Variants in FRMD4A observed in about 807,000 individuals in gnomAD.
FRMD4A encodes FERM domain-containing protein 4A.
FRMD4A carries 29 observed loss-of-function variants against 129.1 expected under a neutral mutation model. That is an observed-to-expected ratio of 0.22 (90% CI 0.17 to 0.31). FRMD4A has a LOEUF of 0.31. Ranked by LOEUF, FRMD4A falls within the 10% of genes least tolerant of loss-of-function variation. FRMD4A has a pLI of 1.00. For missense variants in FRMD4A, 1,272 were observed against 1,375.8 expected (o/e 0.92, Z 1.19); for synonymous variants, 634 against 571.6 (o/e 1.11, Z -1.56).
chr10:13,747,750 A>G lies in FRMD4A; in HGVS notation c.534T>C (p.Pro178=). The G allele has an allele frequency of 1.3e-6, 2 of 1,583,904 alleles. No individual in the cohort carries two copies. Among genetic ancestry groups the G allele is most frequent in the Non-Finnish European group, 1.7e-6 (2 of 1,152,748 alleles). Reference sequence around the variant, plus strand: ...AGGGGTCTTACCAGTAGGCCAGGGAAGGGTGCTCCTTCAGGGCTTGGGTGG... The same window carrying G: ...AGGGGTCTTACCAGTAGGCCAGGGAGGGGTGCTCCTTCAGGGCTTGGGTGG... The part of the protein sequence containing the change: ...ALPTQALKEH[P]SLAYCEDRVI... The change falls in exon 9 of 25, where the codon CCT becomes CCC. Residue 178 remains proline (P), a synonymous_variant. Transcript: ENST00000357447.
At chr10:14,225,573 A>T (rs11258951) in intron 2 of FRMD4A, among the ~76,000 whole-genome samples, 8,924 of 152,302 alleles carry the variant, frequency 0.059, 350 homozygotes, top group South Asian at 0.17. Context: ...CAGCCAGCTG[A>T]CAGCTGATGG....
chr10:14,126,397 T>C (rs1369341786), intron 2 of FRMD4A, among the ~76,000 whole-genome samples: 15 of 152,128 alleles, frequency 9.9e-5, no homozygotes, highest in Admixed American at 8.5e-4. Flanking sequence ...TCTTGATCTC[T>C]TGACCTTGTG....
intron 12 of FRMD4A, chr10:13,707,979 GAA>G (rs2087640317): frequency 1.4e-6 from 1 of 715,854 alleles, no homozygotes; most frequent in Non-Finnish European, 1.7e-6. Context: ...GGATGAAAAA[GAA>G]AGTTACTTTA....
In FRMD4A at chr10:13,931,854, C is replaced by A. The variant is rs1352670451; in HGVS notation, c.46-72942G>T. ...ATCCCAGGTACTTGGGAGGCTGAGGCAGGAGAATCGCTTGAACCCGGGAGG... is the reference window on the plus strand; with the variant it reads ...ATCCCAGGTACTTGGGAGGCTGAGGAAGGAGAATCGCTTGAACCCGGGAGG... On this transcript the variant is annotated intron_variant, in intron 2 of 24. Coordinates refer to ENST00000357447, the MANE Select transcript of FRMD4A (RefSeq NM_018027.5). Among the ~76,000 whole-genome samples, 3 of 151,144 alleles carry A rather than the reference C, an allele frequency of 2.0e-5. No individual in the cohort carries two copies. In the East Asian group the frequency reaches 5.8e-4, roughly 29 times the overall value.
intron 2 of FRMD4A, chr10:14,083,083 C>A (rs1836024209): frequency 6.6e-6 from 1 of 152,214 alleles, no homozygotes; most frequent in South Asian, 2.1e-4. Context: ...GAGCCCCTGC[C>A]TCGATCACTA....
intron 2 of FRMD4A, among the ~76,000 whole-genome samples, chr10:13,960,877 G>A (rs1281617239): frequency 1.3e-5 from 2 of 152,244 alleles, no homozygotes; most frequent in East Asian, 3.9e-4. Flanking sequence ...AGGGGACACT[G>A]AACCCAGAGG....
At chr10:13,845,415 T>C (rs2094029547) in intron 3 of FRMD4A, among the ~76,000 whole-genome samples, 2 of 152,356 alleles carry the variant, frequency 1.3e-5, no homozygotes, top group South Asian at 2.1e-4. Context: ...GAACTGATAC[T>C]GAACTCTACG....
intron 2 of FRMD4A, among the ~76,000 whole-genome samples, chr10:14,068,784 T>G (rs1835181147): frequency 6.6e-6 from 1 of 152,164 alleles, no homozygotes; most frequent in South Asian, 2.1e-4. Context: ...AGTAGTTTCC[T>G]GTTTGTTTGT....
chr10:13,986,817 A>C (rs1350870412), intron 2 of FRMD4A, among the ~76,000 whole-genome samples: 1 of 151,846 alleles, frequency 6.6e-6, no homozygotes, highest in Non-Finnish European at 1.5e-5. Flanking sequence ...ACAGCCAAGG[A>C]GAAGAACCAC....
intron 2 of FRMD4A, among the ~76,000 whole-genome samples, chr10:14,084,027 T>A (rs1207808247): frequency 6.6e-6 from 1 of 152,152 alleles, no homozygotes; most frequent in East Asian, 1.9e-4. Context: ...CTTTTAGACT[T>A]GTAAATGGTC....
chr10:13,748,798 C>T (rs2091423414), intron 8 of FRMD4A, among the ~76,000 whole-genome samples: 1 of 152,068 alleles, frequency 6.6e-6, no homozygotes, highest in Non-Finnish European at 1.5e-5. Context: ...GATGCTCAAC[C>T]AGTTGGTATA....
intron 6 of FRMD4A, among the ~76,000 whole-genome samples, chr10:13,769,300 C>A (rs2130730609): frequency 6.7e-6 from 1 of 150,278 alleles, no homozygotes; most frequent in African/African-American, 2.5e-5. Flanking sequence ...CTTGACAGGC[C>A]AAGGGTTACC....
chr10:14,142,797 C>A (rs1209989319), intron 2 of FRMD4A, among the ~76,000 whole-genome samples: 1 of 152,134 alleles, frequency 6.6e-6, no homozygotes, highest in Non-Finnish European at 1.5e-5. Flanking sequence ...TACATTTGTT[C>A]ACATACTAAA....
chr10:14,308,486 T>C (rs574561973), intron 2 of FRMD4A, among the ~76,000 whole-genome samples: 1 of 152,334 alleles, frequency 6.6e-6, no homozygotes, highest in African/African-American at 2.4e-5. Context: ...AAAAATAGAC[T>C]AAAATTATGC....
chr10:13,857,321 T>C (rs1329726133), intron 3 of FRMD4A, among the ~76,000 whole-genome samples: 1 of 152,110 alleles, frequency 6.6e-6, no homozygotes. Flanking sequence ...TACCATAACT[T>C]AGAAAATGTT....
At chr10:13,681,365 T>C (rs1419934379) in intron 15 of FRMD4A, among the ~76,000 whole-genome samples, 1 of 152,192 alleles carries the variant, frequency 6.6e-6, no homozygotes, top group Non-Finnish European at 1.5e-5. Flanking sequence ...GAGCTGTCTC[T>C]GGGATTAATG....
chr10:14,160,131 G>T (rs111451394), intron 2 of FRMD4A, among the ~76,000 whole-genome samples: 42 of 152,208 alleles, frequency 2.8e-4, no homozygotes, highest in African/African-American at 9.9e-4. Context: ...TCAATGGAAT[G>T]GAATAGAGAA....
chr10:13,657,252 C>T lies in FRMD4A; in HGVS notation c.2337G>A (p.Ala779=), dbSNP rs1225957456. 1.3e-6 allele frequency: 2 copies of T among 1,594,208 alleles called. No individual in the cohort carries two copies. The highest frequency in any genetic ancestry group is 1.1e-5 in the South Asian group (1 of 89,154). ...GCTGCCGCTGCCTCTGCCTCTGGCG[C>T]GCCTTGGACGGCGAGTCCTCGGCCA... ...STLAEDSPSK[A]RQRQRQRQRA... is the part of the protein sequence containing the mutation. The change falls in exon 22 of 25, where the codon GCG becomes GCA. Residue 779 remains alanine (A), a synonymous_variant. Transcript: ENST00000357447.
intron 2 of FRMD4A, among the ~76,000 whole-genome samples, chr10:14,022,006 A>G (rs1218503352): frequency 1.3e-5 from 2 of 152,148 alleles, no homozygotes; most frequent in Admixed American, 1.3e-4. Context: ...ATAACAGTAA[A>G]AATATACTAG....
Sources: gnomAD v4.1 joint callset for allele counts (sites outside exome capture counted in the v4.1 genomes callset) on GRCh38, gnomAD v4.1.1 for gene constraint, MANE v1.5 for transcripts, NCBI Gene and HGNC (gene_info 2026-07-23, HGNC 2026-07-21) for gene names.